Variants in SGPP2 observed in about 807,000 individuals in gnomAD.
The protein encoded by SGPP2 is sphingosine-1-phosphate phosphatase 2, also known as sphingosine 1-phosphate phosphohydrolase 2.
Under a neutral mutation model 33.9 loss-of-function variants are expected in SGPP2, and 30 were observed. The observed-to-expected ratio is 0.89, with a 90% CI of 0.66 to 1.20. The LOEUF is 1.20. Ranked by LOEUF, SGPP2 falls within the 50% of genes most tolerant of loss-of-function variation. SGPP2 has a pLI of 0.00. For synonymous variants in SGPP2, 233 were observed against 225.0 expected (o/e 1.04, Z -0.32); for missense variants, 458 against 532.1 (o/e 0.86, Z 1.37).
intron 1 of SGPP2, among the ~76,000 whole-genome samples, chr2:222,472,502 C>G (rs1261551999): frequency 1.3e-5 from 2 of 151,896 alleles, no homozygotes; most frequent in Non-Finnish European, 2.9e-5. Flanking sequence ...TTCTGCAATA[C>G]TGATGTTATA....
At chr2:222,517,302 C>T (rs1228722109) in intron 2 of SGPP2, among the ~76,000 whole-genome samples, 1 of 152,134 alleles carries the variant, frequency 6.6e-6, no homozygotes, top group African/African-American at 2.4e-5. Flanking sequence ...ACTCCACAGG[C>T]AGAAAAACAG....
At chr2:222,507,713 A>T (rs1176292722) in intron 2 of SGPP2, among the ~76,000 whole-genome samples, 1 of 152,188 alleles carries the variant, frequency 6.6e-6, no homozygotes, top group Non-Finnish European at 1.5e-5. Flanking sequence ...TCTCAGTTCT[A>T]ATCCCCTTGT....
In SGPP2 at chr2:222,559,212, T is replaced by C. The variant is rs1689489019; in HGVS notation, c.*314T>C. On this transcript the variant is annotated 3_prime_UTR_variant, in exon 5 of 5. Coordinates refer to ENST00000321276, the MANE Select transcript of SGPP2 (RefSeq NM_152386.4). ...GCTCCTCTCGCTGTTGCACGGGCTT[T>C]GGATCTAGTCATGGGCTGGCAGGAA... 7.0e-6 allele frequency: 2 copies of C among 284,338 alleles called. No homozygotes were observed. The highest frequency in any genetic ancestry group is 5.0e-5 in the African/African-American group (2 of 40,170). 17.6% of individuals were successfully genotyped at this position (284,338 alleles called of 1,614,324 possible). A position where few individuals can be genotyped will look rare whatever the true frequency, so the allele number is the denominator to read the frequency against.
intron 1 of SGPP2, among the ~76,000 whole-genome samples, chr2:222,459,079 C>A (rs1026052388): frequency 6.7e-6 from 1 of 148,804 alleles, no homozygotes; most frequent in African/African-American, 2.5e-5. Context: ...TTCTGAATTT[C>A]TCTCAAGGAG....
At chr2:222,525,909 G>C (rs917554464) in intron 4 of SGPP2, among the ~76,000 whole-genome samples, 1 of 152,132 alleles carries the variant, frequency 6.6e-6, no homozygotes, top group Non-Finnish European at 1.5e-5. Context: ...GGGAGAGAGG[G>C]GGCAGAAGGG....
intron 4 of SGPP2, among the ~76,000 whole-genome samples, chr2:222,551,406 G>A (rs1334976444): frequency 3.3e-5 from 5 of 152,044 alleles, no homozygotes; most frequent in Non-Finnish European, 5.9e-5. Flanking sequence ...TTCAGAGACA[G>A]ATATTTTGTG....
chr2:222,462,733 A>G (rs1574843157), intron 1 of SGPP2, among the ~76,000 whole-genome samples: 1 of 152,160 alleles, frequency 6.6e-6, no homozygotes, highest in East Asian at 1.9e-4. Context: ...GAGGGGTGGG[A>G]CAATGGCAGT....
chr2:222,489,526 A>C (rs949110445), intron 2 of SGPP2, among the ~76,000 whole-genome samples: 1 of 152,104 alleles, frequency 6.6e-6, no homozygotes, highest in Non-Finnish European at 1.5e-5. Context: ...TTAAACCTAA[A>C]TTTATACCAT....
chr2:222,551,857 T>C (rs1689299974), intron 4 of SGPP2, among the ~76,000 whole-genome samples: 1 of 152,172 alleles, frequency 6.6e-6, no homozygotes, highest in South Asian at 2.1e-4. Flanking sequence ...ATTGAAACAA[T>C]GGGTACTAAG....
At chr2:222,441,171 G>A (rs1411707273) in intron 1 of SGPP2, among the ~76,000 whole-genome samples, 1 of 152,198 alleles carries the variant, frequency 6.6e-6, no homozygotes, top group Admixed American at 6.5e-5. Flanking sequence ...TGAGGCCCAG[G>A]GCTTTGGCAG....
intron 1 of SGPP2, among the ~76,000 whole-genome samples, chr2:222,434,263 T>A (rs1045324732): frequency 1.3e-5 from 2 of 152,220 alleles, no homozygotes; most frequent in East Asian, 3.8e-4. Flanking sequence ...AGACTGTGAC[T>A]TGTATTTTTT....
In SGPP2 at chr2:222,472,844, G is replaced by T. The variant is rs1987167; in HGVS notation, c.220-1724G>T. ...AACCTGGCCAACTTGGCGAAACCCC[G>T]TCTCTCTAAAAACACAAAAATAAGC... On this transcript the variant is annotated intron_variant, in intron 1 of 4. Transcript: ENST00000321276. 4.2e-3 allele frequency among the ~76,000 whole-genome samples: 634 copies of T among 152,008 alleles called. 4 individuals carry two copies. The highest frequency in any genetic ancestry group is 0.014 in the African/African-American group (588 of 41,434).
intron 1 of SGPP2, among the ~76,000 whole-genome samples, chr2:222,466,253 CTTTTTTT>C (rs34005867): frequency 3.8e-5 from 4 of 104,704 alleles, no homozygotes; most frequent in African/African-American, 1.1e-4. Flanking sequence ...CTGTTTTCAA[CTTTTTTT>C]TTTTTTTTTT....
intron 2 of SGPP2, among the ~76,000 whole-genome samples, chr2:222,518,411 AT>A (rs1263881392): frequency 6.6e-6 from 1 of 152,064 alleles, no homozygotes; most frequent in Admixed American, 6.6e-5. Context: ...GATTTTAAGT[AT>A]TTTTTTACCC....
chr2:222,452,827 G>A, intron 1 of SGPP2: 2 of 1,606,280 alleles, frequency 1.2e-6, no homozygotes, highest in Non-Finnish European at 1.7e-6. Flanking sequence ...TTGCTATTCT[G>A]CGGCCAGTTG....
chr2:222,543,896 T>C (rs1689133635), intron 4 of SGPP2, among the ~76,000 whole-genome samples: 1 of 152,236 alleles, frequency 6.6e-6, no homozygotes, highest in Admixed American at 6.5e-5. Context: ...TGGGATTAAA[T>C]TGAATCTATA....
At chr2:222,443,433 TG>T (rs1697355068) in intron 1 of SGPP2, among the ~76,000 whole-genome samples, 1 of 152,176 alleles carries the variant, frequency 6.6e-6, no homozygotes, top group Non-Finnish European at 1.5e-5. Flanking sequence ...TGGGTCTGTT[TG>T]TACCCAATGT....
intron 2 of SGPP2, among the ~76,000 whole-genome samples, chr2:222,500,522 A>C (rs1698351896): frequency 6.6e-6 from 1 of 152,188 alleles, no homozygotes; most frequent in African/African-American, 2.4e-5. Context: ...CCGTGTTGGC[A>C]GTTGTTTGGA....
chr2:222,547,024 C>T (rs1314276463), intron 4 of SGPP2, among the ~76,000 whole-genome samples: 2 of 152,014 alleles, frequency 1.3e-5, no homozygotes, highest in African/African-American at 4.8e-5. Context: ...TAACAAACTT[C>T]CCAGGAGACC....
Sources: allele counts gnomAD v4.1 joint callset (sites outside exome capture counted in the v4.1 genomes callset), GRCh38; gene constraint gnomAD v4.1.1; transcripts MANE v1.5; gene names NCBI Gene and HGNC (gene_info 2026-07-23, HGNC 2026-07-21).